The following NSG2 variants were observed in gnomAD, a reference collection of about 807,000 sequenced individuals.
NSG2 encodes the protein neuronal vesicle trafficking-associated protein 2.
Under a neutral mutation model 16.9 loss-of-function variants are expected in NSG2, and 4 were observed. The ratio of observed to expected loss-of-function variants is 0.24; its 90% CI spans 0.12 to 0.54. The LOEUF (loss-of-function observed/expected upper bound fraction) is 0.54. Ranked by LOEUF, NSG2 falls within the 20% of genes least tolerant of loss-of-function variation. The pLI is 0.95. For missense variants in NSG2, 179 were observed against 221.1 expected, an observed-to-expected ratio of 0.81 and a Z score of 1.21; for synonymous variants, 98 against 88.7, an observed-to-expected ratio of 1.11 and a Z score of -0.59.
intron 2 of NSG2, among the ~76,000 whole-genome samples, chr5:174,050,626 T>C (rs1759873553): frequency 6.6e-6 from 1 of 152,082 alleles, no homozygotes; most frequent in African/African-American, 2.4e-5. Flanking sequence ...CAGTAAGAAG[T>C]CTCTCATTCT....
intron 3 of NSG2, among the ~76,000 whole-genome samples, chr5:174,077,051 A>G (rs1760356454): frequency 6.6e-6 from 1 of 152,196 alleles, no homozygotes; most frequent in Admixed American, 6.5e-5. Flanking sequence ...GGTAAAGACA[A>G]AAAGACTTCT....
intron 2 of NSG2, among the ~76,000 whole-genome samples, chr5:174,052,854 C>G (rs1759914219): frequency 6.6e-6 from 1 of 152,216 alleles, no homozygotes. Flanking sequence ...CATAGACAGG[C>G]ACAACCCACC....
At chr5:174,054,823 C>G (rs1759942486) in intron 2 of NSG2, among the ~76,000 whole-genome samples, 1 of 152,180 alleles carries the variant, frequency 6.6e-6, no homozygotes, top group South Asian at 2.1e-4. Flanking sequence ...CAGAATAGCA[C>G]AGTTTAAATT....
At chr5:174,081,833 T>C (rs1277296875) in intron 3 of NSG2, among the ~76,000 whole-genome samples, 1 of 135,732 alleles carries the variant, frequency 7.4e-6, no homozygotes, top group Non-Finnish European at 1.5e-5. Flanking sequence ...GAGCTTGCAG[T>C]GAGCCAAGAT....
In NSG2 at chr5:174,046,811, A is replaced by T. The variant is rs201146657; in HGVS notation, c.56A>T (p.Glu19Val). 1 of 1,614,154 alleles carries T rather than the reference A, an allele frequency of 6.2e-7. No homozygotes were observed. The highest frequency in any genetic ancestry group is 2.2e-5 in the East Asian group (1 of 44,880). Reference protein sequence around the residue: ...SEKGTKPPSVEDGFQTVPLIT... With the variant: ...SEKGTKPPSVVDGFQTVPLIT... ...AAGGGAACCAAGCCGCCTTCAGTTG[A>T]GGATGGCTTCCAGACCGTCCCTCTC... The change falls in exon 2 of 5, where the codon GAG becomes GTG. Residue 19 changes from glutamate to valine, a missense_variant. Physicochemically the swap from Glu to Val is moderately radical, Grantham distance 121 (BLOSUM62 -2). Transcript: ENST00000303177.
intron 2 of NSG2, among the ~76,000 whole-genome samples, chr5:174,047,440 T>C (rs796218103): frequency 7.9e-5 from 12 of 152,280 alleles, no homozygotes; most frequent in South Asian, 4.1e-4. Context: ...CTAAATTCTA[T>C]TGGGGTGGAG....
chr5:174,079,005 C>T (rs1233488416), intron 3 of NSG2, among the ~76,000 whole-genome samples: 1 of 152,152 alleles, frequency 6.6e-6, no homozygotes, highest in Non-Finnish European at 1.5e-5. Context: ...AAGTGGAGGG[C>T]ATGAGAGTCT....
At chr5:174,106,304 C>T (rs1283397412) in intron 4 of NSG2, among the ~76,000 whole-genome samples, 1 of 152,074 alleles carries the variant, frequency 6.6e-6, no homozygotes. Context: ...ACAAGAGGTT[C>T]GTTGTTTAAA....
At chr5:174,089,565 G>A (rs1451711200) in intron 3 of NSG2, among the ~76,000 whole-genome samples, 3 of 152,252 alleles carry the variant, frequency 2.0e-5, no homozygotes, top group East Asian at 3.9e-4. Flanking sequence ...GGAAGAATAA[G>A]ATCCCTACCC....
At chr5:174,080,519 CTTTCTT>C (rs1561668589) in intron 3 of NSG2, among the ~76,000 whole-genome samples, 1 of 95,724 alleles carries the variant, frequency 1.0e-5, no homozygotes, top group Non-Finnish European at 2.4e-5. Context: ...TTCCCTCTTT[CTTTCTT>C]TCTCTCTCTC....
At chr5:174,057,244 T>A (rs1355398572) in intron 2 of NSG2, among the ~76,000 whole-genome samples, 1 of 152,230 alleles carries the variant, frequency 6.6e-6, no homozygotes, top group African/African-American at 2.4e-5. Context: ...GGGCTCTGTT[T>A]TGCTCCATTT....
chr5:174,051,719 C>T (rs914621349), intron 2 of NSG2, among the ~76,000 whole-genome samples: 1 of 152,208 alleles, frequency 6.6e-6, no homozygotes, highest in Non-Finnish European at 1.5e-5. Context: ...GAAAGAGAGA[C>T]TTCAAACAAT....
Position 174,063,786 on chromosome 5 carries a change from A to G in NSG2, c.130-446A>G, listed in dbSNP as rs867892804. 6.6e-5 allele frequency among the ~76,000 whole-genome samples: 10 copies of G among 152,252 alleles called. No individual in the cohort carries two copies. In the South Asian group the frequency reaches 1.7e-3, roughly 25 times the overall value. On this transcript the variant is annotated intron_variant, in intron 2 of 4. Coordinates refer to ENST00000303177, the MANE Select transcript of NSG2 (RefSeq NM_015980.5). ...GAGGCAACCTAAACGTGTAACAATT[A>G]AAGTTTAATTAGATCAGTTGCAGTA...
intron 3 of NSG2, among the ~76,000 whole-genome samples, chr5:174,089,293 C>T (rs143291666): frequency 1.3e-5 from 2 of 152,194 alleles, no homozygotes; most frequent in African/African-American, 4.8e-5. Context: ...TTACAGATTC[C>T]TGTCCTGTTG....
chr5:174,101,101 G>A (rs918650241), intron 3 of NSG2, among the ~76,000 whole-genome samples: 19 of 152,220 alleles, frequency 1.2e-4, no homozygotes, highest in Non-Finnish European at 1.8e-4. Context: ...GTAGTCTGTG[G>A]ATGAGCCTGC....
chr5:174,058,809 CG>C (rs1209786253), intron 2 of NSG2, among the ~76,000 whole-genome samples: 1 of 152,176 alleles, frequency 6.6e-6, no homozygotes, highest in Admixed American at 6.5e-5. Context: ...AACACTTCCT[CG>C]GGGTGAAGAC....
intron 3 of NSG2, among the ~76,000 whole-genome samples, chr5:174,071,189 T>TGA (rs1423859296): frequency 6.6e-6 from 1 of 152,160 alleles, no homozygotes; most frequent in African/African-American, 2.4e-5. Context: ...GAACTGGAAA[T>TGA]GAGAGGGTCA....
intron 3 of NSG2, among the ~76,000 whole-genome samples, chr5:174,099,113 G>T (rs530804292): frequency 6.6e-6 from 1 of 152,232 alleles, no homozygotes; most frequent in East Asian, 1.9e-4. Context: ...AGGCACGTAG[G>T]CCCCTGAATT....
chr5:174,094,805 T>C (rs972884068), intron 3 of NSG2, among the ~76,000 whole-genome samples: 25 of 152,346 alleles, frequency 1.6e-4, no homozygotes, highest in African/African-American at 6.0e-4. Context: ...AGACGGGTCC[T>C]GAAAACTCAC....
Sources: gnomAD v4.1 joint callset for allele counts (sites outside exome capture counted in the v4.1 genomes callset) on GRCh38, gnomAD v4.1.1 for gene constraint, MANE v1.5 for transcripts, NCBI Gene and HGNC (gene_info 2026-07-23, HGNC 2026-07-21) for gene names.